Variants in HOOK3 observed in about 807,000 individuals in gnomAD.
The protein encoded by HOOK3 is hook microtubule tethering protein 3.
HOOK3 carries 24 observed loss-of-function variants against 116.3 expected under a neutral mutation model. That is an observed-to-expected ratio of 0.21 (90% CI 0.15 to 0.29). The LOEUF (loss-of-function observed/expected upper bound fraction) is 0.29. Ranked by LOEUF, HOOK3 falls within the 10% of genes least tolerant of loss-of-function variation. HOOK3 has a pLI of 1.00. For synonymous variants in HOOK3, 275 were observed against 283.0 expected (o/e 0.97, Z 0.28); for missense variants, 632 against 830.2 (o/e 0.76, Z 2.93).
In HOOK3 at chr8:42,987,157, G is replaced by A. The variant is rs145067708; in HGVS notation, c.1532+362G>A. ...AGCTTGGGCAATAGAGCAAAACTCT[G>A]TCTCAAAACAAACAAACAAACAAAA... On this transcript the variant is annotated intron_variant, in intron 15 of 21. Coordinates refer to ENST00000307602, the MANE Select transcript of HOOK3 (RefSeq NM_032410.4). 2.0e-3 allele frequency among the ~76,000 whole-genome samples: 312 copies of A among 152,234 alleles called. 9 individuals are homozygous for A. The East Asian group carries it at 0.054, about 26-fold the overall frequency.
rs536741012 is a variant in HOOK3 at position 43,019,831 on chromosome 8, A to G, written c.*1333A>G. The G allele has an allele frequency of 2.0e-4, 41 of 204,356 alleles. 1 individual carries two copies. In the South Asian group the frequency reaches 6.8e-3, roughly 34 times the overall value. 12.7% of individuals were successfully genotyped at this position (204,356 alleles called of 1,614,324 possible). Reference sequence around the variant, plus strand: ...TTATATTTAAGTCTTTTTTCTTGCAACGTAGCCCATTTTTTGAAAGCAAAA... The same window carrying G: ...TTATATTTAAGTCTTTTTTCTTGCAGCGTAGCCCATTTTTTGAAAGCAAAA... On this transcript the variant is annotated 3_prime_UTR_variant, in exon 22 of 22. Coordinates refer to ENST00000307602, the MANE Select transcript of HOOK3 (RefSeq NM_032410.4).
At chr8:42,978,940 C>T (rs1490794092) in intron 13 of HOOK3, among the ~76,000 whole-genome samples, 1 of 152,118 alleles carries the variant, frequency 6.6e-6, no homozygotes, top group African/African-American at 2.4e-5. Context: ...GTGTTGCACA[C>T]TTAACACAAT....
rs1408116845 is a variant in HOOK3 at position 43,026,406 on chromosome 8, T to G, written c.*7908T>G. The G allele has an allele frequency of 1.5e-5, 3 of 204,118 alleles. No homozygotes were observed. The East Asian group carries it at 2.3e-4, about 15-fold the overall frequency. The allele number at this position is 204,118 out of a possible 1,614,324, so 12.6% of individuals were successfully genotyped here. A position where few individuals can be genotyped will look rare whatever the true frequency, so the allele number is the denominator to read the frequency against. On this transcript the variant is annotated 3_prime_UTR_variant, in exon 22 of 22. Transcript: ENST00000307602. Reference sequence around the variant, plus strand: ...TCCCCTCTACCTTTCTGGCATTTTCTGTTATCTTAGAGTCAGGAATCTAAA... The same window carrying G: ...TCCCCTCTACCTTTCTGGCATTTTCGGTTATCTTAGAGTCAGGAATCTAAA...
chr8:42,958,503 G>A (rs1170729557), intron 7 of HOOK3, among the ~76,000 whole-genome samples: 1 of 151,394 alleles, frequency 6.6e-6, no homozygotes, highest in Non-Finnish European at 1.5e-5. Context: ...ATTAACATAA[G>A]GTTTTTTGCT....
chr8:43,005,682 T>A (rs944126588), intron 17 of HOOK3, among the ~76,000 whole-genome samples: 1 of 151,970 alleles, frequency 6.6e-6, no homozygotes. Flanking sequence ...TATTTTTATG[T>A]TTTTAAACTA....
intron 6 of HOOK3, among the ~76,000 whole-genome samples, chr8:42,954,430 A>G (rs1377007724): frequency 1.3e-5 from 2 of 152,234 alleles, no homozygotes; most frequent in African/African-American, 2.4e-5. Flanking sequence ...TTATATTAAC[A>G]GAAATATGAA....
At position 42,984,244 on chromosome 8, in the gene HOOK3, G is replaced by A. The variant is rs143946398; in HGVS notation, c.1391+1548G>A. ...TTAACTGGGCTTGGTGATGCATGCC[G>A]GTAATCCCAGCTACTCGGGAGGGTG... On this transcript the variant is annotated intron_variant, in intron 14 of 21. Transcript: ENST00000307602. Among the ~76,000 whole-genome samples the A allele has an allele frequency of 4.9e-3, 751 of 151,868 alleles. 16 individuals are homozygous for A. Among genetic ancestry groups the A allele is most frequent in the East Asian group, 0.037 (189 of 5,136 alleles).
rs1234604007 is a variant in HOOK3, at chr8:42,966,187, T to TA, written c.780-279dup. ...CAGACCATATGTGTTAATTTTATAA[T>TA]AAAAAAAGCCCTTAAATTGTATCTG... On this transcript the variant is annotated intron_variant, in intron 9 of 21. Transcript: ENST00000307602. 4.6e-5 allele frequency among the ~76,000 whole-genome samples: 7 copies of TA among 152,232 alleles called. No individual in the cohort carries two copies. In the East Asian group the frequency reaches 5.8e-4, roughly 13 times the overall value.
At position 43,000,376 on chromosome 8, in the gene HOOK3, G is replaced by T. The variant is rs1042126716; in HGVS notation, c.1621-1731G>T. ...TGGAAAATTTTATTAAGGTAGTTTTGTGCAAAACGAATATCTGGATTACTT... is the reference window on the plus strand; with the variant it reads ...TGGAAAATTTTATTAAGGTAGTTTTTTGCAAAACGAATATCTGGATTACTT... On this transcript the variant is annotated intron_variant, in intron 16 of 21. Transcript: ENST00000307602. The T allele has an allele frequency of 9.3e-6, 6 of 645,816 alleles. No homozygotes were observed. The African/African-American group carries it at 1.1e-4, about 12-fold the overall frequency. 40.0% of individuals were successfully genotyped at this position (645,816 alleles called of 1,614,324 possible).
chr8:42,911,014 G>GC (rs1041314041), intron 2 of HOOK3, among the ~76,000 whole-genome samples: 5 of 152,282 alleles, frequency 3.3e-5, no homozygotes, highest in African/African-American at 9.6e-5. Context: ...TTACTCAAAG[G>GC]CCCTGCAGGA....
chr8:42,958,360 G>A (rs1808473179), intron 7 of HOOK3, among the ~76,000 whole-genome samples: 1 of 151,914 alleles, frequency 6.6e-6, no homozygotes, highest in Non-Finnish European at 1.5e-5. Flanking sequence ...GAAATGAAGA[G>A]ACAATAAAAT....
chr8:42,983,766 G>A (rs931991428), intron 14 of HOOK3, among the ~76,000 whole-genome samples: 6 of 152,198 alleles, frequency 3.9e-5, no homozygotes, highest in Non-Finnish European at 7.4e-5. Flanking sequence ...GTAAGCCGCC[G>A]CACCCAGCCA....
rs780130404 is a variant in HOOK3, at chr8:43,020,316, G to GAC, written c.*1819_*1820dup. ...CTGTAGGGCTTCAGGAGGCTACGCA[G>GAC]ACCTGATCAACTGCAAAGTTTCCAA... is the stretch of plus-strand genomic sequence containing the variant. On this transcript the variant is annotated 3_prime_UTR_variant, in exon 22 of 22. Coordinates refer to ENST00000307602, the MANE Select transcript of HOOK3 (RefSeq NM_032410.4). The GAC allele has an allele frequency of 3.8e-4, 76 of 199,740 alleles. No homozygotes were observed. The highest frequency in any genetic ancestry group is 2.2e-3 in the Admixed American group (36 of 16,612). The allele number at this position is 199,740 out of a possible 1,614,324, so 12.4% of individuals were successfully genotyped here. A position where few individuals can be genotyped will look rare whatever the true frequency, so the allele number is the denominator to read the frequency against.
At chr8:42,958,687 G>C (rs1321577440) in intron 7 of HOOK3, among the ~76,000 whole-genome samples, 5 of 143,610 alleles carry the variant, frequency 3.5e-5, no homozygotes, top group Non-Finnish European at 6.0e-5. Flanking sequence ...ATGGTGGTTT[G>C]CTGTACCTAT....
intron 2 of HOOK3, among the ~76,000 whole-genome samples, chr8:42,924,747 C>T (rs903818367): frequency 2.6e-5 from 4 of 151,986 alleles, no homozygotes; most frequent in Non-Finnish European, 4.4e-5. Flanking sequence ...CCGAGGTGGA[C>T]GAATCACCTG....
chr8:42,919,006 G>GC (rs1307230257), intron 2 of HOOK3, among the ~76,000 whole-genome samples: 35 of 151,332 alleles, frequency 2.3e-4, no homozygotes, highest in African/African-American at 7.0e-4. Context: ...GGGCAGAGGC[G>GC]CCCCCCACCT....
At chr8:42,941,056 C>T (rs1455686705) in intron 4 of HOOK3, among the ~76,000 whole-genome samples, 2 of 151,900 alleles carry the variant, frequency 1.3e-5, no homozygotes, top group Non-Finnish European at 2.9e-5. Flanking sequence ...AAGTAATTCT[C>T]CTCTCTTGGC....
chr8:42,947,694 T>C (rs547983694), intron 5 of HOOK3, among the ~76,000 whole-genome samples: 25 of 152,358 alleles, frequency 1.6e-4, no homozygotes, highest in African/African-American at 6.0e-4. Flanking sequence ...AAATATTAGC[T>C]GTCACTGCAT....
At chr8:42,939,660 G>A (rs1271517727) in intron 4 of HOOK3, among the ~76,000 whole-genome samples, 3 of 151,216 alleles carry the variant, frequency 2.0e-5, no homozygotes, top group African/African-American at 7.4e-5. Context: ...GTGGCTGCCG[G>A]GCAGAGACGC....
Sources: gnomAD v4.1 joint callset for allele counts (sites outside exome capture counted in the v4.1 genomes callset) on GRCh38, gnomAD v4.1.1 for gene constraint, MANE v1.5 for transcripts, NCBI Gene and HGNC (gene_info 2026-07-23, HGNC 2026-07-21) for gene names.